Variants in ADCK1 observed in about 807,000 individuals in gnomAD.
ADCK1 encodes aarF domain containing kinase 1.
In ADCK1, 41 loss-of-function variants were observed where a neutral mutation model predicts 52.3. The ratio of observed to expected loss-of-function variants is 0.78; its 90% CI spans 0.61 to 1.02. ADCK1 has a LOEUF of 1.02. Among genes scored for constraint, ADCK1 ranks in the 50% least tolerant of loss-of-function variants. The probability of loss-of-function intolerance (pLI) is 0.00; values close to 1 mark genes in which losing one functional copy is unlikely to be tolerated. For missense variants in ADCK1, 658 were observed against 679.5 expected, an observed-to-expected ratio of 0.97 and a Z score of 0.35; for synonymous variants, 250 against 274.6, an observed-to-expected ratio of 0.91 and a Z score of 0.89.
chr14:77,931,708 CTGAG>C lies in ADCK1; in HGVS notation c.1400+4_1400+7del. 1 of 1,601,846 alleles carries C rather than the reference CTGAG, an allele frequency of 6.2e-7. No individual in the cohort carries two copies. Among genetic ancestry groups the C allele is most frequent in the Non-Finnish European group, 8.5e-7 (1 of 1,179,378 alleles). ...TCACGTTGCTGCATCAGAGCGCTAG[CTGAG>C]TGAGTGTGGGCTCCTCCCTCTCCTC... On this transcript the variant is annotated splice_donor_variant and coding_sequence_variant, in exon 10 of 11. Transcript: ENST00000238561. LOFTEE classifies it high-confidence loss of function.
At chr14:77,887,910 T>C (rs2083196206) in intron 5 of ADCK1, among the ~76,000 whole-genome samples, 3 of 152,180 alleles carry the variant, frequency 2.0e-5, no homozygotes, top group Admixed American at 2.0e-4. Context: ...TTCTTCCTTT[T>C]CTTGTTTCCC....
Position 77,908,805 on chromosome 14 carries a change from C to T in ADCK1, c.858+886C>T, listed in dbSNP as rs558126622. ...AGTCAGACACACATCTAAATCCTTG[C>T]TGTATCTCAGGCAGCGAGAGGGTGT... On this transcript the variant is annotated intron_variant, in intron 7 of 10. Transcript: ENST00000238561. 1.6e-4 allele frequency among the ~76,000 whole-genome samples: 24 copies of T among 152,264 alleles called. No homozygotes were observed. The South Asian group carries it at 2.9e-3, about 18-fold the overall frequency.
At chr14:77,859,362 G>T in intron 4 of ADCK1, 83 bp downstream of exon 4, 3 of 1,385,630 alleles carry the variant, frequency 2.2e-6, no homozygotes, top group Non-Finnish European at 2.9e-6. Context: ...CCTCGACCAG[G>T]GTGCTGGGGA....
chr14:77,913,701 A>C (rs569977035), intron 7 of ADCK1, among the ~76,000 whole-genome samples: 1 of 152,246 alleles, frequency 6.6e-6, no homozygotes. Context: ...GAAATTAGCC[A>C]AGAAAGAGGT....
chr14:77,819,119 T>A lies in ADCK1; in HGVS notation c.135+6T>A, dbSNP rs767605841. 5.4e-6 allele frequency: 1 copy of A among 185,018 alleles called. No individual in the cohort carries two copies. The highest frequency in any genetic ancestry group is 1.1e-4 in the East Asian group (1 of 8,984). The allele number at this position is 185,018 out of a possible 1,614,324, so 11.5% of individuals were successfully genotyped here. A position where few individuals can be genotyped will look rare whatever the true frequency, so the allele number is the denominator to read the frequency against. On this transcript the variant is annotated splice_donor_region_variant and intron_variant, in intron 2 of 10. Coordinates refer to ENST00000238561, the MANE Select transcript of ADCK1 (RefSeq NM_020421.4). ...TGGGCAGAGCAGTTGCTACGGTAGG[T>A]TTTTCCCTTTTGGGGGTAGCAGAGA...
intron 3 of ADCK1, among the ~76,000 whole-genome samples, chr14:77,852,667 A>ATATATATATAT (rs1566667163): frequency 8.0e-4 from 5 of 6,224 alleles, no homozygotes; most frequent in African/African-American, 1.7e-3. Context: ...ATAAATATAT[A>ATATATATATAT]TATATATATA....
chr14:77,830,951 A>G (rs2081835445), intron 3 of ADCK1, among the ~76,000 whole-genome samples: 1 of 152,140 alleles, frequency 6.6e-6, no homozygotes, highest in South Asian at 2.1e-4. Flanking sequence ...CTTCTTCCTT[A>G]CCTGAGAAGC....
intron 4 of ADCK1, among the ~76,000 whole-genome samples, chr14:77,864,102 A>G (rs887174409): frequency 2.5e-4 from 38 of 152,228 alleles, no homozygotes; most frequent in African/African-American, 8.2e-4. Flanking sequence ...ACAGCTCCCC[A>G]TAGTACGTAG....
chr14:77,893,738 T>TTCCTTTC (rs540072186), intron 5 of ADCK1, among the ~76,000 whole-genome samples: 3 of 104,032 alleles, frequency 2.9e-5, no homozygotes, highest in African/African-American at 9.8e-5. Flanking sequence ...CCTTCCTTCC[T>TTCCTTTC]TTTTTTTTTT....
At chr14:77,823,022 G>A (rs961491360) in intron 3 of ADCK1, among the ~76,000 whole-genome samples, 7 of 152,194 alleles carry the variant, frequency 4.6e-5, no homozygotes, top group African/African-American at 1.7e-4. Flanking sequence ...GTTGAAAGAG[G>A]TTACTTGCTG....
At chr14:77,831,003 A>T (rs1327859582) in intron 3 of ADCK1, among the ~76,000 whole-genome samples, 1 of 152,190 alleles carries the variant, frequency 6.6e-6, no homozygotes, top group Non-Finnish European at 1.5e-5. Context: ...GGTGATCAAA[A>T]TTCATCAGCT....
intron 1 of ADCK1, among the ~76,000 whole-genome samples, chr14:77,813,516 G>C (rs2081377579): frequency 6.6e-6 from 1 of 152,116 alleles, no homozygotes; most frequent in Admixed American, 6.6e-5. Flanking sequence ...TCACCATGTT[G>C]GCCAGGCTGG....
At chr14:77,895,423 T>G (rs1052259999) in intron 5 of ADCK1, among the ~76,000 whole-genome samples, 6 of 152,246 alleles carry the variant, frequency 3.9e-5, no homozygotes, top group African/African-American at 1.4e-4. Context: ...ACTCATTCAT[T>G]CATTCATGTG....
chr14:77,859,568 G>T (rs2082499195), intron 4 of ADCK1, among the ~76,000 whole-genome samples: 1 of 152,312 alleles, frequency 6.6e-6, no homozygotes, highest in East Asian at 1.9e-4. Flanking sequence ...CTTACTGAAG[G>T]TTTAAGGCCT....
At chr14:77,882,748 G>C (rs957201536) in intron 4 of ADCK1, among the ~76,000 whole-genome samples, 1 of 152,344 alleles carries the variant, frequency 6.6e-6, no homozygotes, top group Admixed American at 6.5e-5. Context: ...TGGCTGCTCA[G>C]TGTGGCAGTT....
chr14:77,905,163 C>T (rs962993545), intron 6 of ADCK1, among the ~76,000 whole-genome samples: 2 of 152,092 alleles, frequency 1.3e-5, no homozygotes, highest in African/African-American at 4.8e-5. Context: ...GGGGCACATT[C>T]TGTGGTTAGA....
At chr14:77,850,258 C>G (rs1446305520) in intron 3 of ADCK1, among the ~76,000 whole-genome samples, 1 of 152,190 alleles carries the variant, frequency 6.6e-6, no homozygotes, top group Non-Finnish European at 1.5e-5. Flanking sequence ...TCCTCTTATA[C>G]TTGAAAATAA....
intron 3 of ADCK1, among the ~76,000 whole-genome samples, chr14:77,845,945 G>T (rs879575159): frequency 4.6e-5 from 7 of 152,146 alleles, no homozygotes; most frequent in African/African-American, 1.4e-4. Flanking sequence ...TAATAACCAG[G>T]TGTGAGATGG....
At chr14:77,877,651 G>A (rs1027204726) in intron 4 of ADCK1, among the ~76,000 whole-genome samples, 21 of 152,118 alleles carry the variant, frequency 1.4e-4, no homozygotes, top group African/African-American at 5.1e-4. Flanking sequence ...CCTTATTCAT[G>A]GTTCACACAT....
Sources: gnomAD v4.1 joint callset for allele counts (sites outside exome capture counted in the v4.1 genomes callset) on GRCh38, gnomAD v4.1.1 for gene constraint, MANE v1.5 for transcripts, NCBI Gene and HGNC (gene_info 2026-07-23, HGNC 2026-07-21) for gene names.